The following PZP variants were observed in gnomAD, a reference collection of about 807,000 sequenced individuals.
The protein encoded by PZP is PZP alpha-2-macroglobulin like.
PZP carries 150 observed loss-of-function variants against 179.8 expected under a neutral mutation model. The ratio of observed to expected loss-of-function variants is 0.83; its 90% CI spans 0.73 to 0.96. The LOEUF (loss-of-function observed/expected upper bound fraction) is 0.96. Among genes scored for constraint, PZP ranks in the 40% least tolerant of loss-of-function variants. PZP has a pLI of 0.00. For missense variants in PZP, 1,689 were observed against 1,764.0 expected, an observed-to-expected ratio of 0.96 and a Z score of 0.76; for synonymous variants, 624 against 652.3, an observed-to-expected ratio of 0.96 and a Z score of 0.66.
intron 7 of PZP, among the ~76,000 whole-genome samples, chr12:9,197,567 TATATA>T (rs1486005114): frequency 9.1e-6 from 1 of 110,254 alleles, no homozygotes; most frequent in Non-Finnish European, 1.7e-5. Context: ...TATAATGTAA[TATATA>T]ATATATGACA....
In PZP at chr12:9,200,436, A is replaced by C; in HGVS notation, c.683T>G (p.Phe228Cys). The C allele has an allele frequency of 6.2e-7, 1 of 1,608,612 alleles. No individual in the cohort carries two copies. The change falls in exon 7 of 36, where the codon TTT (phenylalanine) becomes TGT (cysteine). Residue 228 changes from phenylalanine to cysteine, a missense_variant. Phe to Cys is a radical substitution (Grantham distance 205, BLOSUM62 -2). Coordinates refer to ENST00000261336, the MANE Select transcript of PZP (RefSeq NM_002864.3). ...FTVEEFVLPK[F>C]EVKVQVPKII... ...CTTTGGCACCTGAACTTTGACCTCAAACTTGGGAAGCACTGTTAATAGAGA... is the reference window on the plus strand; with the variant it reads ...CTTTGGCACCTGAACTTTGACCTCACACTTGGGAAGCACTGTTAATAGAGA...
Position 9,190,350 on chromosome 12 carries a change from C to G in PZP, c.1546+1843G>C, listed in dbSNP as rs540353481. Among the ~76,000 whole-genome samples, 185 of 152,250 alleles carry G rather than the reference C, an allele frequency of 1.2e-3. No homozygotes were observed. In the Middle Eastern group the frequency reaches 0.014, roughly 11 times the overall value. On this transcript the variant is annotated intron_variant, in intron 13 of 35. Transcript: ENST00000261336. Reference sequence around the variant, plus strand: ...AACGCCATCATGTCCTTTGCAGGAGCATACATGGAGCTAGAAGCTATCATT... The same window carrying G: ...AACGCCATCATGTCCTTTGCAGGAGGATACATGGAGCTAGAAGCTATCATT...
chr12:9,154,643 G>T lies in PZP; in HGVS notation c.3747C>A (p.Asn1249Lys). ...GGGTGGAGGAGAAACCACCTTGGGCGTTCTGCTGCTTCATGATCCACTTCA... is the reference window on the plus strand; with the variant it reads ...GGGTGGAGGAGAAACCACCTTGGGCTTTCTGCTGCTTCATGATCCACTTCA... ...NIVKWIMKQQ[N>K]AQGGFSSTQD... The change falls in exon 29 of 36, where the codon AAC (asparagine) becomes AAA (lysine). Residue 1249 changes from asparagine (N) to lysine (K), a missense_variant. This residue lies in a region of PZP where 746 missense variants were observed against 749.2 expected (regional missense o/e 1.00). Coordinates refer to ENST00000261336, the MANE Select transcript of PZP (RefSeq NM_002864.3). 1.2e-6 allele frequency: 2 copies of T among 1,614,166 alleles called. No homozygotes were observed. The highest frequency in any genetic ancestry group is 1.7e-5 in the Admixed American group (1 of 60,022).
chr12:9,175,867 A>G (rs1299964210), intron 15 of PZP, among the ~76,000 whole-genome samples: 2 of 152,212 alleles, frequency 1.3e-5, no homozygotes, highest in Non-Finnish European at 2.9e-5. Context: ...TGGGGAGTGT[A>G]AATTAGTTCA....
At chr12:9,175,908 C>G (rs776397584) in intron 15 of PZP, among the ~76,000 whole-genome samples, 5 of 152,154 alleles carry the variant, frequency 3.3e-5, no homozygotes, top group African/African-American at 1.2e-4. Context: ...GGTGATTCCT[C>G]AAAGACCCAG....
chr12:9,167,013 A>T (rs1019532621), intron 17 of PZP: 5 of 152,210 alleles, frequency 3.3e-5, no homozygotes, highest in African/African-American at 1.2e-4. Context: ...ATTTCACCCT[A>T]ACAGTTTTCT....
chr12:9,153,309 T>C lies in PZP; in HGVS notation c.3809A>G (p.Tyr1270Cys), dbSNP rs777872234. 2.7e-5 allele frequency: 44 copies of C among 1,614,086 alleles called. No homozygotes were observed. The South Asian group carries it at 2.9e-4, about 10-fold the overall frequency. Residue 1270 changes from tyrosine to cysteine, a missense_variant, in exon 30 of 36, where the codon TAT becomes TGT. By Grantham distance (194) the Tyr-to-Cys change is radical. Around this residue, in one of 3 missense-constraint regions of PZP, gnomAD observed 746 missense variants for 749.2 expected, o/e 1.00. Coordinates refer to ENST00000261336, the MANE Select transcript of PZP (RefSeq NM_002864.3). ...AGTTCTGGTGAAAGTGGCTGCTCCATACCTGGACAGGGCATGGAGAGCCAC... is the reference window on the plus strand; with the variant it reads ...AGTTCTGGTGAAAGTGGCTGCTCCACACCTGGACAGGGCATGGAGAGCCAC... ...TVVALHALSRYGAATFTRTEK... is the reference protein window; with the variant it reads ...TVVALHALSRCGAATFTRTEK...
chr12:9,199,900 G>A (rs918707342), intron 7 of PZP, among the ~76,000 whole-genome samples: 3 of 152,158 alleles, frequency 2.0e-5, no homozygotes, highest in Non-Finnish European at 4.4e-5. Flanking sequence ...GTACTTAGGA[G>A]TCATAATAAC....
chr12:9,202,188 G>T, intron 4 of PZP, 131 bp downstream of exon 4: 1 of 794,898 alleles, frequency 1.3e-6, no homozygotes, highest in Non-Finnish European at 2.0e-6. Context: ...CTGCAAATCT[G>T]TGCTGAGGCT....
chr12:9,173,698 A>C lies in PZP; in HGVS notation c.1840-4107T>G, dbSNP rs145279945. Reference sequence around the variant, plus strand: ...ACAACCATCCGCAAATACTATAAACACCTCTGTCTATATAAGCTAGAAAAT... The same window carrying C: ...ACAACCATCCGCAAATACTATAAACCCCTCTGTCTATATAAGCTAGAAAAT... On this transcript the variant is annotated intron_variant, in intron 15 of 35. Transcript: ENST00000261336. Among the ~76,000 whole-genome samples, 3 of 152,260 alleles carry C rather than the reference A, an allele frequency of 2.0e-5. No individual in the cohort carries two copies. In the East Asian group the frequency reaches 5.8e-4, roughly 29 times the overall value.
At chr12:9,204,640 A>G (rs1801176321) in intron 1 of PZP, among the ~76,000 whole-genome samples, 1 of 152,114 alleles carries the variant, frequency 6.6e-6, no homozygotes, top group South Asian at 2.1e-4. Flanking sequence ...CCTGCTACAC[A>G]CACACTACAC....
intron 10 of PZP, among the ~76,000 whole-genome samples, chr12:9,195,078 C>A (rs1943689489): frequency 6.6e-6 from 1 of 151,664 alleles, no homozygotes; most frequent in South Asian, 2.1e-4. Flanking sequence ...TTAAAAATAG[C>A]CAGAAGAGAA....
chr12:9,152,768 G>A, intron 31 of PZP, 56 bp downstream of exon 31: 1 of 1,567,410 alleles, frequency 6.4e-7, no homozygotes, highest in Non-Finnish European at 8.7e-7. Flanking sequence ...ATTAATTTCT[G>A]TTAATTCCAA....
intron 15 of PZP, among the ~76,000 whole-genome samples, chr12:9,171,073 C>A (rs1028674064): frequency 1.3e-5 from 2 of 152,194 alleles, no homozygotes; most frequent in Admixed American, 6.5e-5. Flanking sequence ...TGAGGGTCTC[C>A]AGCCACCTCC....
intron 15 of PZP, among the ~76,000 whole-genome samples, chr12:9,172,433 C>G (rs932938857): frequency 6.6e-6 from 1 of 152,038 alleles, no homozygotes; most frequent in African/African-American, 2.4e-5. Context: ...ATCACATAAA[C>G]AAGTCTGCAA....
At chr12:9,151,889 C>T (rs1045178058) in intron 32 of PZP, among the ~76,000 whole-genome samples, 14 of 151,974 alleles carry the variant, frequency 9.2e-5, no homozygotes, top group African/African-American at 2.9e-4. Context: ...ATTTTTTTTC[C>T]TTCCCAAATT....
chr12:9,176,495 C>A (rs1477393016), intron 15 of PZP, among the ~76,000 whole-genome samples: 1 of 152,178 alleles, frequency 6.6e-6, no homozygotes, highest in Non-Finnish European at 1.5e-5. Context: ...AAAACGCAGT[C>A]CATATTCAAA....
intron 12 of PZP, 94 bp from the exon 13 acceptor site, chr12:9,192,350 G>T: frequency 1.5e-6 from 2 of 1,353,940 alleles, no homozygotes; most frequent in Non-Finnish European, 2.1e-6. Context: ...TGTCAAGTCT[G>T]TGCTGGAGAG....
chr12:9,154,123 C>T (rs1940567124), intron 29 of PZP, among the ~76,000 whole-genome samples: 1 of 152,146 alleles, frequency 6.6e-6, no homozygotes, highest in African/African-American at 2.4e-5. Flanking sequence ...TTGGGGAATA[C>T]ATCTTAGAGG....
Sources: gnomAD v4.1 joint callset for allele counts (sites outside exome capture counted in the v4.1 genomes callset) on GRCh38, gnomAD v4.1.1 for gene constraint, gnomAD v4.1.1 regional missense constraint, MANE v1.5 for transcripts, NCBI Gene and HGNC (gene_info 2026-07-23, HGNC 2026-07-21) for gene names.